The following DPP10 variants were observed in gnomAD, a reference collection of about 807,000 sequenced individuals.
DPP10 encodes inactive dipeptidyl peptidase 10.
DPP10 carries 33 observed loss-of-function variants against 120.9 expected under a neutral mutation model. The ratio of observed to expected loss-of-function variants is 0.27; its 90% confidence interval spans 0.21 to 0.37. DPP10 has a LOEUF of 0.37. Among genes scored for constraint, DPP10 ranks in the 10% least tolerant of loss-of-function variants. The probability of loss-of-function intolerance (pLI) is 1.00; values close to 1 mark genes in which losing one functional copy is unlikely to be tolerated. For missense variants in DPP10, 816 were observed against 942.8 expected, an observed-to-expected ratio of 0.87 and a Z score of 1.76; for synonymous variants, 337 against 326.1, an observed-to-expected ratio of 1.03 and a Z score of -0.36.
At chr2:114,897,618 CA>C (rs1369627129) in intron 1 of DPP10, among the ~76,000 whole-genome samples, 1 of 151,520 alleles carries the variant, frequency 6.6e-6, no homozygotes, top group Non-Finnish European at 1.5e-5. Context: ...GGCTAATATC[CA>C]GAATCTACAA....
intron 5 of DPP10, among the ~76,000 whole-genome samples, chr2:115,552,869 T>C (rs2079961720): frequency 6.6e-6 from 1 of 152,054 alleles, no homozygotes; most frequent in Admixed American, 6.6e-5. Context: ...TGCTTTAAGT[T>C]ATTCTTCATT....
chr2:114,669,423 C>T (rs192273707), intron 1 of DPP10, among the ~76,000 whole-genome samples: 1 of 152,210 alleles, frequency 6.6e-6, no homozygotes, highest in East Asian at 1.9e-4. Context: ...AGCTGTTGCA[C>T]TTAATGGGGC....
intron 1 of DPP10, among the ~76,000 whole-genome samples, chr2:114,902,002 A>G (rs148090745): frequency 1.6e-4 from 25 of 152,302 alleles, no homozygotes; most frequent in African/African-American, 5.5e-4. Context: ...AGACCCAGAG[A>G]ATGACAACAT....
intron 3 of DPP10, among the ~76,000 whole-genome samples, chr2:115,456,225 T>G (rs2073528323): frequency 6.6e-6 from 1 of 152,222 alleles, no homozygotes; most frequent in African/African-American, 2.4e-5. Context: ...ATCATCACTT[T>G]TCATTAGAGA....
intron 1 of DPP10, among the ~76,000 whole-genome samples, chr2:115,241,509 A>G (rs1170244177): frequency 6.6e-6 from 1 of 152,164 alleles, no homozygotes; most frequent in Non-Finnish European, 1.5e-5. Context: ...TTCACAAAAT[A>G]ATATATATTT....
At chr2:114,825,926 T>C (rs975662728) in intron 1 of DPP10, among the ~76,000 whole-genome samples, 1 of 152,218 alleles carries the variant, frequency 6.6e-6, no homozygotes, top group African/African-American at 2.4e-5. Flanking sequence ...TCATGGTGTT[T>C]CTATTTTCTA....
In DPP10 at chr2:115,406,232, C is replaced by G. The variant is rs143931646; in HGVS notation, c.271+62320C>G. The stretch of plus-strand genomic sequence containing the variant: ...CTCTGCTAATGTCTAACAAAGATGG[C>G]CTTTACACCAGTTCCCAGTAAGATA... On this transcript the variant is annotated intron_variant, in intron 3 of 25. Transcript: ENST00000410059. 2.8e-3 allele frequency among the ~76,000 whole-genome samples: 429 copies of G among 152,302 alleles called. 4 individuals are homozygous for G. The highest frequency in any genetic ancestry group is 4.4e-3 in the Non-Finnish European group (300 of 68,028).
chr2:115,459,033 T>G (rs1309722761), intron 3 of DPP10, among the ~76,000 whole-genome samples: 1 of 152,074 alleles, frequency 6.6e-6, no homozygotes, highest in East Asian at 1.9e-4. Context: ...ATGCTTACAG[T>G]CAACAATTGC....
At chr2:114,860,881 T>C (rs1371366877) in intron 1 of DPP10, among the ~76,000 whole-genome samples, 1 of 152,202 alleles carries the variant, frequency 6.6e-6, no homozygotes, top group East Asian at 1.9e-4. Context: ...CACGAGCTGC[T>C]CCTCTCCAGA....
At chr2:115,630,495 G>A (rs1317576637) in intron 5 of DPP10, among the ~76,000 whole-genome samples, 5 of 152,146 alleles carry the variant, frequency 3.3e-5, no homozygotes, top group South Asian at 2.1e-4. Flanking sequence ...ATTTGCAAGA[G>A]GAGTGTTTCC....
intron 5 of DPP10, among the ~76,000 whole-genome samples, chr2:115,586,167 A>T (rs2082278455): frequency 6.6e-6 from 1 of 152,150 alleles, no homozygotes; most frequent in African/African-American, 2.4e-5. Context: ...TACTAAAAAA[A>T]ATACAAAAAT....
intron 5 of DPP10, among the ~76,000 whole-genome samples, chr2:115,672,622 T>A (rs529184719): frequency 0.028 from 200 of 7,114 alleles, 1 homozygote; most frequent in Admixed American, 0.066. Flanking sequence ...ATGGCGCCCC[T>A]TCTTTCTTTC....
At chr2:114,705,566 A>G (rs779725049) in intron 1 of DPP10, among the ~76,000 whole-genome samples, 1 of 152,160 alleles carries the variant, frequency 6.6e-6, no homozygotes, top group Non-Finnish European at 1.5e-5. Context: ...GGAAATGGAA[A>G]ACACCAATAT....
At chr2:115,718,696 T>C (rs2092567434) in intron 7 of DPP10, among the ~76,000 whole-genome samples, 1 of 152,168 alleles carries the variant, frequency 6.6e-6, no homozygotes, top group African/African-American at 2.4e-5. Context: ...AGTCACATTA[T>C]AAAATAAGAT....
chr2:114,954,111 C>T (rs1199591537), intron 1 of DPP10, among the ~76,000 whole-genome samples: 3 of 127,338 alleles, frequency 2.4e-5, no homozygotes, highest in Non-Finnish European at 3.1e-5. Context: ...TACAGAGTCT[C>T]ACTCTGTAGC....
chr2:115,383,670 C>T (rs538307542), intron 3 of DPP10, among the ~76,000 whole-genome samples: 3 of 152,226 alleles, frequency 2.0e-5, no homozygotes, highest in Non-Finnish European at 1.5e-5. Context: ...ATGGTCAATT[C>T]ATATTCATTT....
At chr2:114,886,072 T>C (rs1692044225) in intron 1 of DPP10, among the ~76,000 whole-genome samples, 2 of 152,246 alleles carry the variant, frequency 1.3e-5, no homozygotes, top group South Asian at 2.1e-4. Flanking sequence ...TTTAGATCTA[T>C]GAATTTAATC....
intron 5 of DPP10, among the ~76,000 whole-genome samples, chr2:115,667,922 A>C (rs2089585824): frequency 6.6e-6 from 1 of 152,036 alleles, no homozygotes; most frequent in Non-Finnish European, 1.5e-5. Flanking sequence ...TAACATAGTA[A>C]TCATCTATAT....
chr2:115,607,658 T>C (rs2083787919), intron 5 of DPP10, among the ~76,000 whole-genome samples: 1 of 152,186 alleles, frequency 6.6e-6, no homozygotes, highest in Non-Finnish European at 1.5e-5. Flanking sequence ...GTGAATCTGT[T>C]CCATTAGATT....
Sources: allele counts gnomAD v4.1 joint callset (sites outside exome capture counted in the v4.1 genomes callset), GRCh38; gene constraint gnomAD v4.1.1; transcripts MANE v1.5; gene names NCBI Gene and HGNC (gene_info 2026-07-23, HGNC 2026-07-21).